ZEB1: variants seen among roughly 807,000 people sequenced by gnomAD.
The protein encoded by ZEB1 is zinc finger E-box binding homeobox 1.
In ZEB1, 21 loss-of-function variants were observed where a neutral mutation model predicts 84.9. The ratio of observed to expected loss-of-function variants is 0.25; its 90% CI spans 0.18 to 0.36. ZEB1 has a LOEUF of 0.36. Ranked by LOEUF, ZEB1 falls within the 10% of genes least tolerant of loss-of-function variation. ZEB1 has a pLI of 1.00. For synonymous variants in ZEB1, 420 were observed against 471.1 expected, an observed-to-expected ratio of 0.89 and a Z score of 1.41; for missense variants, 1,104 against 1,330.2, an observed-to-expected ratio of 0.83 and a Z score of 2.65.
intron 1 of ZEB1, chr10:31,387,829 T>C (rs749242677): frequency 5.5e-5 from 50 of 912,800 alleles, no homozygotes; most frequent in Admixed American, 2.5e-4. Context: ...TTATGTCAGA[T>C]CTTAATTGAA....
At chr10:31,328,397 G>T (rs1280464532) in intron 1 of ZEB1, among the ~76,000 whole-genome samples, 1 of 152,026 alleles carries the variant, frequency 6.6e-6, no homozygotes, top group Non-Finnish European at 1.5e-5. Context: ...AGCATATGAC[G>T]CATTGTGCCT....
At chr10:31,374,088 G>A (rs897502133) in intron 1 of ZEB1, among the ~76,000 whole-genome samples, 6 of 151,650 alleles carry the variant, frequency 4.0e-5, no homozygotes, top group South Asian at 2.1e-4. Flanking sequence ...GCATGTCCAC[G>A]GACATAGTAG....
intron 1 of ZEB1, among the ~76,000 whole-genome samples, chr10:31,429,733 C>CTTTTTTTTTTT (rs35031058): frequency 2.5e-5 from 2 of 79,548 alleles, no homozygotes; most frequent in African/African-American, 1.3e-4. Context: ...ACAGGCAGAA[C>CTTTTTTTTTTT]TTTTTTTTTT....
At chr10:31,346,013 T>A (rs1004786344) in intron 1 of ZEB1, among the ~76,000 whole-genome samples, 2 of 152,188 alleles carry the variant, frequency 1.3e-5, no homozygotes, top group Admixed American at 1.3e-4. Context: ...CCTCAAAAAG[T>A]TATGTAATTT....
chr10:31,349,041 G>A (rs558227704), intron 1 of ZEB1, among the ~76,000 whole-genome samples: 7 of 152,202 alleles, frequency 4.6e-5, no homozygotes, highest in African/African-American at 1.4e-4. Flanking sequence ...CTGTTTAGAT[G>A]AAATTTTGTA....
At chr10:31,481,330 C>T (rs2065016529) in intron 2 of ZEB1, among the ~76,000 whole-genome samples, 1 of 152,036 alleles carries the variant, frequency 6.6e-6, no homozygotes, top group East Asian at 1.9e-4. Context: ...TGCCTACTAA[C>T]AAGACATGAA....
intron 1 of ZEB1, among the ~76,000 whole-genome samples, chr10:31,339,926 G>A (rs1322282323): frequency 6.6e-6 from 1 of 152,072 alleles, no homozygotes; most frequent in African/African-American, 2.4e-5. Flanking sequence ...ACTAGGGAGA[G>A]GAGGTCATAT....
intron 1 of ZEB1, among the ~76,000 whole-genome samples, chr10:31,370,152 C>T (rs1469362304): frequency 6.6e-6 from 1 of 152,072 alleles, no homozygotes; most frequent in Non-Finnish European, 1.5e-5. Context: ...TTTATATTTC[C>T]TGTTTACAAA....
At chr10:31,391,276 T>TGA (rs36087100) in intron 1 of ZEB1, among the ~76,000 whole-genome samples, 12 of 126,416 alleles carry the variant, frequency 9.5e-5, no homozygotes, top group East Asian at 5.8e-4. Flanking sequence ...TGTGTGTGTG[T>TGA]GAGATCCAAT....
chr10:31,323,653 G>A (rs1302367070), intron 1 of ZEB1, among the ~76,000 whole-genome samples: 1 of 152,004 alleles, frequency 6.6e-6, no homozygotes, highest in Non-Finnish European at 1.5e-5. Context: ...GTTGCTGTAT[G>A]CTTGTATTTA....
Position 31,347,091 on chromosome 10 carries a change from G to T in ZEB1, c.58+27799G>T, listed in dbSNP as rs185095137. Among the ~76,000 whole-genome samples, 514 of 152,152 alleles carry T rather than the reference G, an allele frequency of 3.4e-3. 1 individual carries two copies. The highest frequency in any genetic ancestry group is 5.2e-3 in the Non-Finnish European group (351 of 67,976). Reference sequence around the variant, plus strand: ...ACCTTGAAGTTTTTTTATGTGGTGGGGAGGTGTTAGGAAACTCATTTTTTA... The same window carrying T: ...ACCTTGAAGTTTTTTTATGTGGTGGTGAGGTGTTAGGAAACTCATTTTTTA... On this transcript the variant is annotated intron_variant, in intron 1 of 8. Transcript: ENST00000424869.
intron 1 of ZEB1, among the ~76,000 whole-genome samples, chr10:31,441,335 G>A (rs1564866560): frequency 6.6e-6 from 1 of 152,198 alleles, no homozygotes; most frequent in Non-Finnish European, 1.5e-5. Flanking sequence ...AAATGGTGCT[G>A]GGAAAACTGA....
At chr10:31,369,954 T>C (rs2045401327) in intron 1 of ZEB1, among the ~76,000 whole-genome samples, 1 of 152,218 alleles carries the variant, frequency 6.6e-6, no homozygotes, top group Non-Finnish European at 1.5e-5. Flanking sequence ...TCTCTAGTAA[T>C]TAGTGATGCC....
intron 1 of ZEB1, among the ~76,000 whole-genome samples, chr10:31,367,224 C>T (rs2044695353): frequency 2.0e-5 from 3 of 152,200 alleles, no homozygotes; most frequent in South Asian, 2.1e-4. Flanking sequence ...TTTTGCTTCC[C>T]GTTACTGTAT....
intron 1 of ZEB1, among the ~76,000 whole-genome samples, chr10:31,361,572 T>C (rs115864653): frequency 0.04 from 5,750 of 143,418 alleles, 356 homozygotes; most frequent in African/African-American, 0.14. Context: ...GGGGGCCGGG[T>C]GGGGGCACTC....
chr10:31,409,527 GT>G (rs980737754), intron 1 of ZEB1, among the ~76,000 whole-genome samples: 1 of 152,110 alleles, frequency 6.6e-6, no homozygotes, highest in Admixed American at 6.5e-5. Flanking sequence ...GTTTAAAGTG[GT>G]TTTTTCTAAT....
intron 3 of ZEB1, among the ~76,000 whole-genome samples, chr10:31,497,837 G>A (rs763793780): frequency 1.8e-4 from 27 of 151,474 alleles, no homozygotes; most frequent in Admixed American, 2.0e-4. Flanking sequence ...CCCTTTTTTT[G>A]TTTATATAGT....
chr10:31,469,141 C>A (rs1242561472), intron 2 of ZEB1, among the ~76,000 whole-genome samples: 1 of 152,138 alleles, frequency 6.6e-6, no homozygotes, highest in Non-Finnish European at 1.5e-5. Context: ...AAAGCCTTAA[C>A]AATAGACTAG....
At position 31,450,729 on chromosome 10, in the gene ZEB1, G is replaced by A. The variant is rs115479458; in HGVS notation, c.59-10308G>A. 6.5e-3 allele frequency among the ~76,000 whole-genome samples: 986 copies of A among 152,024 alleles called. 14 individuals are homozygous for A. The highest frequency in any genetic ancestry group is 0.022 in the African/African-American group (932 of 41,474). ...AGGGAATGGTGAATTTTTTTCAAAT[G>A]CCTTTCTGTATCTATAGATGTCGTT... is the stretch of plus-strand genomic sequence containing the variant. On this transcript the variant is annotated intron_variant, in intron 1 of 8. Transcript: ENST00000424869.
Sources: gnomAD v4.1 joint callset for allele counts (sites outside exome capture counted in the v4.1 genomes callset) on GRCh38, gnomAD v4.1.1 for gene constraint, MANE v1.5 for transcripts, NCBI Gene and HGNC (gene_info 2026-07-23, HGNC 2026-07-21) for gene names.